ACAP2: variants seen among roughly 807,000 people sequenced by gnomAD.
The protein encoded by ACAP2 is arf-GAP with coiled-coil, ANK repeat and PH domain-containing protein 2.
In ACAP2, 39 loss-of-function variants were observed where a neutral mutation model predicts 115.8. That is an observed-to-expected ratio of 0.34 (90% confidence interval 0.26 to 0.44). The LOEUF (loss-of-function observed/expected upper bound fraction) is 0.44, where lower values mean the gene tolerates loss of function less well. ACAP2 is among the 20% of genes least tolerant of loss of function. The pLI, the probability that ACAP2 is intolerant of heterozygous loss-of-function variation, is 1.00. For missense variants in ACAP2, 662 were observed against 927.6 expected (o/e 0.71, Z 3.72); for synonymous variants, 289 against 315.8 (o/e 0.92, Z 0.90).
At chr3:195,288,816 C>T (rs1727039938) in intron 21 of ACAP2, among the ~76,000 whole-genome samples, 2 of 152,084 alleles carry the variant, frequency 1.3e-5, no homozygotes, top group African/African-American at 2.4e-5. Flanking sequence ...CGGTGCACTC[C>T]ACTCTGGGCA....
intron 16 of ACAP2, 60 bp downstream of exon 16, chr3:195,297,130 C>A: frequency 2.1e-6 from 3 of 1,414,742 alleles, no homozygotes; most frequent in South Asian, 2.3e-5. Context: ...TCAATTACTA[C>A]AGTGAAATAA....
intron 12 of ACAP2, chr3:195,306,838 C>T (rs1728452927): frequency 5.7e-6 from 2 of 349,568 alleles, no homozygotes; most frequent in South Asian, 6.1e-5. Flanking sequence ...ACAAATAACC[C>T]ATCACTGAAT....
At chr3:195,320,667 G>A (rs1560239562) in intron 10 of ACAP2, 34 bp downstream of exon 10, 2 of 1,450,450 alleles carry the variant, frequency 1.4e-6, no homozygotes, top group Non-Finnish European at 1.9e-6. Flanking sequence ...TCAAAACTAT[G>A]TATAGATCAA....
chr3:195,370,070 T>C (rs546367565), intron 4 of ACAP2, among the ~76,000 whole-genome samples: 3 of 152,234 alleles, frequency 2.0e-5, no homozygotes, highest in Non-Finnish European at 2.9e-5. Flanking sequence ...GAAGTGTCTG[T>C]TCATGTCCTT....
intron 4 of ACAP2, among the ~76,000 whole-genome samples, chr3:195,346,656 C>A (rs1479926606): frequency 6.6e-6 from 1 of 152,126 alleles, no homozygotes; most frequent in Non-Finnish European, 1.5e-5. Flanking sequence ...ATATAACAAT[C>A]CCAATCCTAG....
At chr3:195,410,662 T>A (rs1713183648) in intron 1 of ACAP2, 1 of 152,686 alleles carries the variant, frequency 6.5e-6, no homozygotes, top group Admixed American at 6.5e-5. Context: ...AAGGTCAACA[T>A]CACTAATCAT....
intron 4 of ACAP2, among the ~76,000 whole-genome samples, chr3:195,353,385 A>G (rs555770078): frequency 2.6e-5 from 4 of 152,360 alleles, no homozygotes; most frequent in Non-Finnish European, 5.9e-5. Flanking sequence ...AACCATCCAC[A>G]GGTAGATGGA....
intron 14 of ACAP2, 62 bp downstream of exon 14, chr3:195,301,904 C>T (rs1230573249): frequency 6.4e-7 from 1 of 1,554,060 alleles, no homozygotes; most frequent in Non-Finnish European, 8.8e-7. Context: ...ACAAGTGAAA[C>T]AACCATTTCT....
chr3:195,319,170 T>G (rs1471375949), intron 10 of ACAP2, among the ~76,000 whole-genome samples: 2 of 152,218 alleles, frequency 1.3e-5, no homozygotes, highest in Admixed American at 1.3e-4. Context: ...AATTTAGGTT[T>G]GGGAAACTCC....
At chr3:195,437,885 CTTTTT>C (rs1186712431) in intron 1 of ACAP2, among the ~76,000 whole-genome samples, 6 of 90,746 alleles carry the variant, frequency 6.6e-5, no homozygotes, top group African/African-American at 2.6e-4. Flanking sequence ...ACTTTACATG[CTTTTT>C]TTTTTTTTTT....
chr3:195,357,237 G>C (rs1406372866), intron 4 of ACAP2, among the ~76,000 whole-genome samples: 2 of 152,022 alleles, frequency 1.3e-5, no homozygotes, highest in African/African-American at 4.8e-5. Context: ...CCACTGCCTG[G>C]GGAGAGGAAA....
intron 22 of ACAP2, chr3:195,282,480 A>G (rs1726569081): frequency 6.6e-6 from 1 of 152,242 alleles, no homozygotes; most frequent in Non-Finnish European, 1.5e-5. Flanking sequence ...ATGTGTTGTC[A>G]AAAGCAAATG....
intron 1 of ACAP2, among the ~76,000 whole-genome samples, chr3:195,428,945 T>C (rs1714897307): frequency 6.6e-6 from 1 of 152,118 alleles, no homozygotes; most frequent in Admixed American, 6.5e-5. Context: ...TTAAGAGAAA[T>C]GAAAACCTAC....
At chr3:195,408,827 C>A (rs4677840) in intron 1 of ACAP2, among the ~76,000 whole-genome samples, 46,126 of 151,988 alleles carry the variant, frequency 0.3, 8,047 homozygotes, top group East Asian at 0.81. Flanking sequence ...TATACCACAT[C>A]AACAGAATGA....
intron 22 of ACAP2, among the ~76,000 whole-genome samples, chr3:195,284,446 T>G (rs1726712074): frequency 6.6e-6 from 1 of 152,138 alleles, no homozygotes; most frequent in African/African-American, 2.4e-5. Flanking sequence ...CACTCTTCCA[T>G]CTCGGAACAT....
At chr3:195,387,052 T>G (rs758797706) in intron 2 of ACAP2, among the ~76,000 whole-genome samples, 23 of 152,130 alleles carry the variant, frequency 1.5e-4, no homozygotes, top group Non-Finnish European at 2.8e-4. Flanking sequence ...AATGAAATTG[T>G]CATACAGCAG....
At chr3:195,306,376 G>A (rs894981552) in intron 13 of ACAP2, 135 bp downstream of exon 13, 1 of 497,220 alleles carries the variant, frequency 2.0e-6, no homozygotes, top group Non-Finnish European at 3.5e-6. Flanking sequence ...ATTAAATCCA[G>A]ATTTTAAAAA....
At chr3:195,424,192 T>C (rs1001976170) in intron 1 of ACAP2, among the ~76,000 whole-genome samples, 1 of 148,646 alleles carries the variant, frequency 6.7e-6, no homozygotes, top group African/African-American at 2.5e-5. Flanking sequence ...GAATAAATGA[T>C]TTAATATATA....
intron 1 of ACAP2, among the ~76,000 whole-genome samples, chr3:195,437,189 G>A (rs1484831786): frequency 6.6e-6 from 1 of 151,036 alleles, no homozygotes; most frequent in African/African-American, 2.4e-5. Context: ...TGGGACTACA[G>A]GCGTGGGCCA....
Sources: allele counts gnomAD v4.1 joint callset (sites outside exome capture counted in the v4.1 genomes callset), GRCh38; gene constraint gnomAD v4.1.1; transcripts MANE v1.5; gene names NCBI Gene and HGNC (gene_info 2026-07-23, HGNC 2026-07-21).